DNAH6: variants seen among roughly 807,000 people sequenced by gnomAD.
DNAH6 encodes axonemal beta dynein heavy chain 6.
A neutral mutation model predicts 491.4 loss-of-function variants in DNAH6; 340 were observed. That is an observed-to-expected ratio of 0.69 (90% CI 0.63 to 0.76). DNAH6 has a LOEUF of 0.76. Among genes scored for constraint, DNAH6 ranks in the 30% least tolerant of loss-of-function variants. DNAH6 has a pLI of 0.00. For synonymous variants in DNAH6, 1,603 were observed against 1,686.1 expected, an observed-to-expected ratio of 0.95 and a Z score of 1.21; for missense variants, 4,443 against 4,972.2, an observed-to-expected ratio of 0.89 and a Z score of 3.20.
intron 37 of DNAH6, among the ~76,000 whole-genome samples, chr2:84,666,627 T>C (rs1692154044): frequency 6.6e-6 from 1 of 152,206 alleles, no homozygotes; most frequent in African/African-American, 2.4e-5. Flanking sequence ...GAACATTCCA[T>C]GCTCATGGAT....
At chr2:84,514,261 A>C (rs1258250963), upstream of DNAH6, among the ~76,000 whole-genome samples, 1 of 152,228 alleles carries the variant, frequency 6.6e-6, no homozygotes, top group Non-Finnish European at 1.5e-5. Flanking sequence ...TCTTGGGCTC[A>C]AATTCATATA....
intron 11 of DNAH6, among the ~76,000 whole-genome samples, chr2:84,572,166 C>G (rs1573060579): frequency 6.6e-6 from 1 of 152,068 alleles, no homozygotes; most frequent in African/African-American, 2.4e-5. Flanking sequence ...TAAGTAACCC[C>G]TGAAATATTT....
intron 45 of DNAH6, among the ~76,000 whole-genome samples, chr2:84,693,668 G>A (rs1325176332): frequency 8.0e-5 from 12 of 149,406 alleles, no homozygotes; most frequent in African/African-American, 2.7e-4. Context: ...CCCAGGAGGC[G>A]GAGGTTGCAG....
the DNAH6 span, among the ~76,000 whole-genome samples, chr2:84,500,645 G>A: frequency 2.6e-5 from 4 of 152,058 alleles, no homozygotes; most frequent in African/African-American, 9.7e-5. Context: ...TAACAATATT[G>A]ATTCTTCCAA....
In DNAH6 at chr2:84,606,044, A is replaced by C. The variant is rs143883233; in HGVS notation, c.3174+452A>C. ...CACACGAAAAGGCTAAATTCACTTGAGTTTATTGGAATTAGGAAACAATGG... is the reference window on the plus strand; with the variant it reads ...CACACGAAAAGGCTAAATTCACTTGCGTTTATTGGAATTAGGAAACAATGG... On this transcript the variant is annotated intron_variant, in intron 20 of 76. Coordinates refer to ENST00000389394, the MANE Select transcript of DNAH6 (RefSeq NM_001370.2). 1.2e-3 allele frequency among the ~76,000 whole-genome samples: 177 copies of C among 152,354 alleles called. 1 individual carries two copies. The highest frequency in any genetic ancestry group is 4.0e-3 in the African/African-American group (167 of 41,598).
At chr2:84,672,013 G>A (rs949160894) in intron 39 of DNAH6, among the ~76,000 whole-genome samples, 1 of 152,224 alleles carries the variant, frequency 6.6e-6, no homozygotes, top group African/African-American at 2.4e-5. Context: ...CCACATGGTT[G>A]CTGAGGGCAG....
intron 12 of DNAH6, among the ~76,000 whole-genome samples, chr2:84,573,878 A>G (rs1051115715): frequency 2.2e-4 from 34 of 152,210 alleles, no homozygotes; most frequent in African/African-American, 7.2e-4. Context: ...TAGCCTGCAT[A>G]TGAGAAGTTG....
intron 64 of DNAH6, among the ~76,000 whole-genome samples, chr2:84,768,183 A>G (rs1307671179): frequency 6.6e-6 from 1 of 152,066 alleles, no homozygotes; most frequent in South Asian, 2.1e-4. Context: ...TATATGTTAT[A>G]TAAAAAACTA....
chr2:84,749,167 G>A (rs1673229477), intron 63 of DNAH6, among the ~76,000 whole-genome samples: 1 of 152,146 alleles, frequency 6.6e-6, no homozygotes, highest in South Asian at 2.1e-4. Flanking sequence ...ATTTGGAGGG[G>A]ACAAACATTC....
intron 2 of DNAH6, 125 bp from the exon 3 acceptor site, chr2:84,525,440 C>A: frequency 1.0e-6 from 1 of 972,086 alleles, no homozygotes; most frequent in Non-Finnish European, 1.5e-6. Context: ...AGGACTGCAT[C>A]TTTGATAGGA....
At chr2:84,464,285 C>T in the DNAH6 span, among the ~76,000 whole-genome samples, 2 of 152,162 alleles carry the variant, frequency 1.3e-5, no homozygotes, top group African/African-American at 2.4e-5. Flanking sequence ...GAAACATCCC[C>T]GCTCGCCAAA....
intron 20 of DNAH6, 54 bp downstream of exon 20, chr2:84,605,646 C>A: frequency 8.9e-7 from 1 of 1,129,064 alleles, no homozygotes; most frequent in South Asian, 1.5e-5. Context: ...CACACCTAGT[C>A]TTAAATCTTC....
At chr2:84,660,836 T>C (rs1691433112) in intron 37 of DNAH6, among the ~76,000 whole-genome samples, 1 of 152,140 alleles carries the variant, frequency 6.6e-6, no homozygotes, top group Non-Finnish European at 1.5e-5. Flanking sequence ...AACTGGACTA[T>C]ATTCTTCAAA....
chr2:84,667,795 T>G (rs749643106), intron 37 of DNAH6, among the ~76,000 whole-genome samples: 11 of 152,188 alleles, frequency 7.2e-5, no homozygotes, highest in Non-Finnish European at 8.8e-5. Context: ...CACAAGTATG[T>G]TTATTGCGGC....
At chr2:84,808,056 A>G (rs529154960) in intron 71 of DNAH6, among the ~76,000 whole-genome samples, 6 of 152,142 alleles carry the variant, frequency 3.9e-5, no homozygotes, top group African/African-American at 7.2e-5. Context: ...AGATGAAAAT[A>G]CCCATGGGGA....
intron 62 of DNAH6, among the ~76,000 whole-genome samples, chr2:84,737,952 G>A (rs1367338018): frequency 1.3e-5 from 2 of 151,710 alleles, no homozygotes; most frequent in East Asian, 3.9e-4. Flanking sequence ...CTAACTTCTC[G>A]ATGTCATTTC....
chr2:84,535,511 A>G (rs1339796315), intron 4 of DNAH6, among the ~76,000 whole-genome samples: 2 of 151,978 alleles, frequency 1.3e-5, no homozygotes, highest in Non-Finnish European at 2.9e-5. Flanking sequence ...AAGCATTACA[A>G]GAACAAAATA....
At chr2:84,531,977 C>A (rs913412989) in intron 4 of DNAH6, among the ~76,000 whole-genome samples, 1 of 152,002 alleles carries the variant, frequency 6.6e-6, no homozygotes, top group African/African-American at 2.4e-5. Context: ...AAACATAATT[C>A]TTGATTCATA....
chr2:84,722,477 C>T lies in DNAH6; in HGVS notation c.9793-148C>T, dbSNP rs913123453. 2.3e-5 allele frequency: 14 copies of T among 606,738 alleles called. No individual in the cohort carries two copies. The African/African-American group carries it at 2.7e-4, about 12-fold the overall frequency. 37.6% of individuals were successfully genotyped at this position (606,738 alleles called of 1,614,324 possible). A position where few individuals can be genotyped will look rare whatever the true frequency, so the allele number is the denominator to read the frequency against. On this transcript the variant is annotated intron_variant, in intron 59 of 76. Coordinates refer to ENST00000389394, the MANE Select transcript of DNAH6 (RefSeq NM_001370.2). ...TTCAGAAGGTCACTGAGCCCTGAGA[C>T]TCAGTCGTTCCACCTGGGGACCCCT... is the stretch of plus-strand genomic sequence containing the variant.
Sources: gnomAD v4.1 joint callset for allele counts (sites outside exome capture counted in the v4.1 genomes callset) on GRCh38, gnomAD v4.1.1 for gene constraint, MANE v1.5 for transcripts, NCBI Gene and HGNC (gene_info 2026-07-23, HGNC 2026-07-21) for gene names.